TDRP: variants seen among roughly 807,000 people sequenced by gnomAD.
The protein encoded by TDRP is testis development related protein, also known as testis development-related protein.
Under a neutral mutation model 10.5 loss-of-function variants are expected in TDRP, and 12 were observed. The ratio of observed to expected loss-of-function variants is 1.15; its 90% confidence interval spans 0.73 to 1.86. The LOEUF is 1.86. Ranked by LOEUF, TDRP falls within the 40% of genes most tolerant of loss-of-function variation. The pLI is 0.00. For missense variants in TDRP, 353 were observed against 229.2 expected (o/e 1.54, Z -3.49); for synonymous variants, 139 against 95.4 (o/e 1.46, Z -2.67).
intron 1 of TDRP, among the ~76,000 whole-genome samples, chr8:501,245 CG>C (rs1406182015): frequency 1.3e-5 from 2 of 152,084 alleles, no homozygotes; most frequent in African/African-American, 4.8e-5. Context: ...GCGTAATGCT[CG>C]GGTCAGCTCA....
rs373762980 is a variant in TDRP, at chr8:527,402, GA to G, written c.108+17247del. 1.2e-3 allele frequency among the ~76,000 whole-genome samples: 174 copies of G among 148,488 alleles called. 1 individual carries two copies. The highest frequency in any genetic ancestry group is 6.9e-3 in the Middle Eastern group (2 of 290). On this transcript the variant is annotated intron_variant, in intron 1 of 2. Transcript: ENST00000324079. ...ACCAATGACATTCTTCACAGAAATG[GA>G]AAAAAAAAATCCTAAAATGTATATG... is the stretch of plus-strand genomic sequence containing the variant.
At chr8:500,123 G>C (rs1801246155) in intron 1 of TDRP, among the ~76,000 whole-genome samples, 1 of 152,218 alleles carries the variant, frequency 6.6e-6, no homozygotes, top group African/African-American at 2.4e-5. Flanking sequence ...TGACCAAGAA[G>C]TTAGGCCACA....
chr8:544,696 A>C lies in TDRP; in HGVS notation c.62T>G (p.Leu21Arg). Residue 21 changes from leucine (L) to arginine (R), a missense_variant, in exon 1 of 3, where the codon CTG becomes CGG. Leu to Arg is a moderately radical substitution (Grantham distance 102). Transcript: ENST00000324079. The stretch of plus-strand genomic sequence containing the variant: ...GGCGGCCGGTGGCGGCCCCCCACGC[A>C]GGCCGTCCTCCTCCTCGGGGGGCTC... Reference protein sequence around the residue: ...LDEPPEEEDGLRGGPPPAAAA... With the variant: ...LDEPPEEEDGRRGGPPPAAAA... 8.0e-7 allele frequency: 1 copy of C among 1,245,486 alleles called. No homozygotes were observed. Among genetic ancestry groups the C allele is most frequent in the Non-Finnish European group, 1.0e-6 (1 of 995,846 alleles). 77.2% of individuals were successfully genotyped at this position (1,245,486 alleles called of 1,614,324 possible). A position where few individuals can be genotyped will look rare whatever the true frequency, so the allele number is the denominator to read the frequency against.
chr8:516,435 TA>T (rs1013605645), intron 1 of TDRP, among the ~76,000 whole-genome samples: 7 of 152,070 alleles, frequency 4.6e-5, no homozygotes, highest in African/African-American at 1.4e-4. Context: ...AACAGCCCTA[TA>T]AAAAATGAGC....
At chr8:522,899 C>A (rs1196012296) in intron 1 of TDRP, among the ~76,000 whole-genome samples, 1 of 152,172 alleles carries the variant, frequency 6.6e-6, no homozygotes, top group Non-Finnish European at 1.5e-5. Flanking sequence ...ATATTTTCAG[C>A]TTACGTGTAT....
intron 1 of TDRP, among the ~76,000 whole-genome samples, chr8:542,422 T>C (rs1022923685): frequency 1.3e-5 from 2 of 151,678 alleles, no homozygotes; most frequent in Non-Finnish European, 2.9e-5. Context: ...AAACGCACCA[T>C]TCTGTGGGGG....
chr8:518,713 G>A (rs572812343), intron 1 of TDRP, among the ~76,000 whole-genome samples: 3 of 151,484 alleles, frequency 2.0e-5, no homozygotes, highest in Non-Finnish European at 4.4e-5. Flanking sequence ...TCCTTTCTAA[G>A]CCTTAGGGCA....
intron 1 of TDRP, among the ~76,000 whole-genome samples, chr8:511,664 T>A (rs1306874751): frequency 6.6e-6 from 1 of 152,206 alleles, no homozygotes; most frequent in Non-Finnish European, 1.5e-5. Flanking sequence ...TGCAAACAGA[T>A]CAGTCTTCAG....
At chr8:512,546 T>C (rs1801647629) in intron 1 of TDRP, among the ~76,000 whole-genome samples, 1 of 151,566 alleles carries the variant, frequency 6.6e-6, no homozygotes, top group Non-Finnish European at 1.5e-5. Flanking sequence ...ATTGACCTTA[T>C]ATAAATCAAG....
chr8:521,550 CAT>C (rs1801905407), intron 1 of TDRP, among the ~76,000 whole-genome samples: 2 of 152,210 alleles, frequency 1.3e-5, no homozygotes, highest in African/African-American at 4.8e-5. Context: ...TGACCATATA[CAT>C]GAGGGCTTAT....
At chr8:539,233 G>A (rs1802428076) in intron 1 of TDRP, among the ~76,000 whole-genome samples, 1 of 152,158 alleles carries the variant, frequency 6.6e-6, no homozygotes, top group Admixed American at 6.5e-5. Flanking sequence ...TCACGAGGGT[G>A]GGGCCGGCAC....
intron 1 of TDRP, among the ~76,000 whole-genome samples, chr8:510,823 A>T (rs1278961331): frequency 6.6e-6 from 1 of 152,240 alleles, no homozygotes; most frequent in Non-Finnish European, 1.5e-5. Context: ...TAATTATGTA[A>T]TTATAAAATA....
At chr8:497,650 T>C (rs1029203885) in intron 1 of TDRP, among the ~76,000 whole-genome samples, 9 of 152,182 alleles carry the variant, frequency 5.9e-5, no homozygotes, top group African/African-American at 4.8e-5. Context: ...CTGCAAAAAT[T>C]TGCATAAGTA....
intron 1 of TDRP, among the ~76,000 whole-genome samples, chr8:495,427 G>C (rs941846822): frequency 6.6e-6 from 1 of 151,800 alleles, no homozygotes; most frequent in African/African-American, 2.4e-5. Context: ...TTTCTGAGAA[G>C]AAATAATTTT....
At chr8:513,958 A>C (rs1021523842) in intron 1 of TDRP, among the ~76,000 whole-genome samples, 18 of 152,246 alleles carry the variant, frequency 1.2e-4, no homozygotes, top group African/African-American at 3.6e-4. Flanking sequence ...GATCTGAATA[A>C]CTGGAAAACT....
At chr8:512,364 C>G (rs368374070) in intron 1 of TDRP, among the ~76,000 whole-genome samples, 1 of 151,930 alleles carries the variant, frequency 6.6e-6, no homozygotes, top group Admixed American at 6.6e-5. Context: ...ACCCGGGAGG[C>G]GGAGGCTGCA....
rs942896897 is a variant in TDRP, at chr8:491,480, A to T, written c.*919T>A. On this transcript the variant is annotated 3_prime_UTR_variant, in exon 3 of 3. Transcript: ENST00000324079. Reference sequence around the variant, plus strand: ...ACCGGTCGTCGATTATTCTTGTGGAAAAAACACAGCTTCTTACAGATCTAA... The same window carrying T: ...ACCGGTCGTCGATTATTCTTGTGGATAAAACACAGCTTCTTACAGATCTAA... 2 of 871,594 alleles carry T rather than the reference A, an allele frequency of 2.3e-6. No individual in the cohort carries two copies. The highest frequency in any genetic ancestry group is 3.5e-5 in the African/African-American group (2 of 57,108). The allele number at this position is 871,594 out of a possible 1,614,324, so 54.0% of individuals were successfully genotyped here. A position where few individuals can be genotyped will look rare whatever the true frequency, so the allele number is the denominator to read the frequency against.
At chr8:499,764 G>C (rs746184057) in intron 1 of TDRP, among the ~76,000 whole-genome samples, 2 of 152,254 alleles carry the variant, frequency 1.3e-5, no homozygotes, top group Non-Finnish European at 2.9e-5. Context: ...GGGAAGGACA[G>C]GAGGGAAAGT....
intron 1 of TDRP, among the ~76,000 whole-genome samples, chr8:512,674 A>C (rs942392139): frequency 6.6e-6 from 1 of 152,174 alleles, no homozygotes; most frequent in African/African-American, 2.4e-5. Context: ...ATCTGAATAC[A>C]TATATAACAA....
Sources: gnomAD v4.1 joint callset for allele counts (sites outside exome capture counted in the v4.1 genomes callset) on GRCh38, gnomAD v4.1.1 for gene constraint, MANE v1.5 for transcripts, NCBI Gene and HGNC (gene_info 2026-07-23, HGNC 2026-07-21) for gene names.